RBFOX1: variants seen among roughly 807,000 people sequenced by gnomAD.
The protein encoded by RBFOX1 is RNA binding protein fox-1 homolog 1.
In RBFOX1, 8 loss-of-function variants were observed where a neutral mutation model predicts 57.7. That is an observed-to-expected ratio of 0.14 (90% CI 0.08 to 0.25). The LOEUF (loss-of-function observed/expected upper bound fraction) is 0.25. Ranked by LOEUF, RBFOX1 falls within the 10% of genes least tolerant of loss-of-function variation. The probability of loss-of-function intolerance (pLI) is 1.00; values close to 1 mark genes in which losing one functional copy is unlikely to be tolerated. For synonymous variants in RBFOX1, 326 were observed against 222.4 expected, an observed-to-expected ratio of 1.47 and a Z score of -4.15; for missense variants, 611 against 548.5, an observed-to-expected ratio of 1.11 and a Z score of -1.14.
intron 4 of RBFOX1, among the ~76,000 whole-genome samples, chr16:7,126,137 C>T (rs1338445667): frequency 6.6e-6 from 1 of 152,122 alleles, no homozygotes; most frequent in Non-Finnish European, 1.5e-5. Flanking sequence ...CTTTCTTCCC[C>T]ATGAAAATAA....
chr16:6,396,443 A>G (rs1330054773), intron 2 of RBFOX1, among the ~76,000 whole-genome samples: 1 of 152,210 alleles, frequency 6.6e-6, no homozygotes, highest in African/African-American at 2.4e-5. Context: ...TAGATAGACT[A>G]GGAAGGAAGA....
intron 1 of RBFOX1, among the ~76,000 whole-genome samples, chr16:5,412,880 T>G (rs1354195934): frequency 6.6e-6 from 1 of 152,210 alleles, no homozygotes; most frequent in Non-Finnish European, 1.5e-5. Flanking sequence ...TGTGAGCAAA[T>G]GCTGGAATTC....
At chr16:7,424,856 AG>A (rs1225667043) in intron 4 of RBFOX1, among the ~76,000 whole-genome samples, 1 of 152,140 alleles carries the variant, frequency 6.6e-6, no homozygotes, top group Non-Finnish European at 1.5e-5. Context: ...TGGAAATAAC[AG>A]GTGTTATTTT....
intron 1 of RBFOX1, among the ~76,000 whole-genome samples, chr16:6,076,600 C>T (rs1034856000): frequency 2.6e-5 from 4 of 151,838 alleles, no homozygotes; most frequent in African/African-American, 9.7e-5. Context: ...CCCAGTCTTG[C>T]CTTTTAAGAG....
intron 3 of RBFOX1, among the ~76,000 whole-genome samples, chr16:6,657,080 TTCCTCTCCTCCCCTTTACTC>T (rs2098662820): frequency 2.6e-5 from 1 of 38,014 alleles, no homozygotes; most frequent in Non-Finnish European, 4.7e-5. Context: ...CTCCTCCCCT[TTCCTCTCCTCCCCTTTACTC>T]TCCTCTCCTC....
At chr16:7,441,926 G>A (rs1398852263) in intron 4 of RBFOX1, among the ~76,000 whole-genome samples, 1 of 152,188 alleles carries the variant, frequency 6.6e-6, no homozygotes, top group African/African-American at 2.4e-5. Context: ...GATGCTGGCA[G>A]CCTGGAAGCT....
At chr16:5,992,783 A>C (rs1441063354) in intron 4 of RBFOX1, among the ~76,000 whole-genome samples, 1 of 152,104 alleles carries the variant, frequency 6.6e-6, no homozygotes, top group Admixed American at 6.6e-5. Context: ...AAAATACAAA[A>C]ATTAGCTGGG....
chr16:6,314,411 C>T (rs1346982719), intron 1 of RBFOX1, among the ~76,000 whole-genome samples: 2 of 152,124 alleles, frequency 1.3e-5, no homozygotes, highest in South Asian at 2.1e-4. Context: ...CCATAGGGAC[C>T]TCCCCTAAAA....
intron 2 of RBFOX1, among the ~76,000 whole-genome samples, chr16:6,562,217 A>G (rs1333469413): frequency 2.0e-5 from 3 of 152,202 alleles, no homozygotes; most frequent in Non-Finnish European, 2.9e-5. Flanking sequence ...AGCCCTCTGA[A>G]CTTGTATCAG....
intron 4 of RBFOX1, among the ~76,000 whole-genome samples, chr16:7,424,563 C>G (rs547542266): frequency 6.6e-6 from 1 of 152,138 alleles, no homozygotes; most frequent in African/African-American, 2.4e-5. Flanking sequence ...CCTGGCCATA[C>G]GCTTGAATAT....
At chr16:5,378,048 G>A (rs1424343584) in intron 1 of RBFOX1, among the ~76,000 whole-genome samples, 3 of 151,472 alleles carry the variant, frequency 2.0e-5, no homozygotes, top group East Asian at 3.9e-4. Flanking sequence ...TTCATGGAGA[G>A]AGCAAGACAA....
chr16:6,883,420 T>G (rs962802010), intron 3 of RBFOX1, among the ~76,000 whole-genome samples: 4 of 152,190 alleles, frequency 2.6e-5, no homozygotes, highest in Non-Finnish European at 4.4e-5. Context: ...ACTTAATTAA[T>G]GTGTTGGTTC....
chr16:6,718,266 A>T (rs1365884119), intron 3 of RBFOX1, among the ~76,000 whole-genome samples: 2 of 152,216 alleles, frequency 1.3e-5, no homozygotes, highest in African/African-American at 4.8e-5. Flanking sequence ...TGTTGGCACT[A>T]TTCCACGTGC....
chr16:5,755,393 C>T (rs6500717), intron 3 of RBFOX1, among the ~76,000 whole-genome samples: 1 of 151,964 alleles, frequency 6.6e-6, no homozygotes, highest in African/African-American at 2.4e-5. Flanking sequence ...TGGGTGAGGC[C>T]AAGACTGGGA....
At chr16:6,586,798 G>A (rs2097628913) in intron 2 of RBFOX1, among the ~76,000 whole-genome samples, 1 of 152,250 alleles carries the variant, frequency 6.6e-6, no homozygotes, top group Middle Eastern at 3.4e-3. Flanking sequence ...CTAAGAAGCA[G>A]GGTTTTGTTT....
At chr16:6,858,926 A>T (rs933492866) in intron 3 of RBFOX1, among the ~76,000 whole-genome samples, 1 of 151,530 alleles carries the variant, frequency 6.6e-6, no homozygotes, top group African/African-American at 2.4e-5. Context: ...CTGCATTTCT[A>T]AAGGAAGATA....
At chr16:6,329,207 T>G (rs1330766826) in intron 2 of RBFOX1, among the ~76,000 whole-genome samples, 1 of 152,224 alleles carries the variant, frequency 6.6e-6, no homozygotes, top group East Asian at 1.9e-4. Flanking sequence ...CTAGTCATTC[T>G]TAAGATAACA....
intron 3 of RBFOX1, among the ~76,000 whole-genome samples, chr16:5,861,075 G>A (rs1288847172): frequency 1.3e-5 from 2 of 152,218 alleles, no homozygotes; most frequent in African/African-American, 4.8e-5. Flanking sequence ...AACAATCTCA[G>A]TGTCAAGAGA....
intron 1 of RBFOX1, among the ~76,000 whole-genome samples, chr16:6,243,136 A>AGGTGTG (rs2097548888): frequency 7.5e-6 from 1 of 133,150 alleles, no homozygotes; most frequent in African/African-American, 2.8e-5. Context: ...TGATATTTAT[A>AGGTGTG]CGTGTGTCTG....
Sources: gnomAD v4.1 joint callset for allele counts (sites outside exome capture counted in the v4.1 genomes callset) on GRCh38, gnomAD v4.1.1 for gene constraint, MANE v1.5 for transcripts, NCBI Gene and HGNC (gene_info 2026-07-23, HGNC 2026-07-21) for gene names.